HS3ST1: variants seen among roughly 807,000 people sequenced by gnomAD.
HS3ST1 encodes the protein heparan sulfate glucosamine 3-O-sulfotransferase 1.
Under a neutral mutation model 20.7 loss-of-function variants are expected in HS3ST1, and 8 were observed. The ratio of observed to expected loss-of-function variants is 0.39; its 90% CI spans 0.23 to 0.70. The LOEUF (loss-of-function observed/expected upper bound fraction) is 0.70, where lower values mean the gene tolerates loss of function less well. Ranked by LOEUF, HS3ST1 falls within the 30% of genes least tolerant of loss-of-function variation. The pLI is 0.46. For missense variants in HS3ST1, 436 were observed against 423.4 expected, an observed-to-expected ratio of 1.03 and a Z score of -0.26; for synonymous variants, 205 against 190.4, an observed-to-expected ratio of 1.08 and a Z score of -0.63.
chr4:11,426,454 G>GC (rs959606828), intron 1 of HS3ST1, among the ~76,000 whole-genome samples: 2 of 114,738 alleles, frequency 1.7e-5, no homozygotes, highest in African/African-American at 3.3e-5. Flanking sequence ...GGGGGACCCA[G>GC]GGGGGGGGCT....
chr4:11,424,264 T>C (rs1719009728), intron 1 of HS3ST1, among the ~76,000 whole-genome samples: 1 of 152,190 alleles, frequency 6.6e-6, no homozygotes, highest in Non-Finnish European at 1.5e-5. Flanking sequence ...AAAAGAAAGA[T>C]GCCCACTGGG....
chr4:11,407,621 C>A (rs1718504153), intron 1 of HS3ST1, among the ~76,000 whole-genome samples: 1 of 152,154 alleles, frequency 6.6e-6, no homozygotes, highest in South Asian at 2.1e-4. Flanking sequence ...CATTATTGTC[C>A]AGATCAGGTG....
In HS3ST1 at chr4:11,393,564, A is replaced by T. The variant is rs1014238512; in HGVS notation, c.*5518T>A. 6.6e-6 allele frequency: 1 copy of T among 152,238 alleles called. No homozygotes were observed. The highest frequency in any genetic ancestry group is 1.5e-5 in the Non-Finnish European group (1 of 68,028). 9.4% of individuals were successfully genotyped at this position (152,238 alleles called of 1,614,324 possible). A position where few individuals can be genotyped will look rare whatever the true frequency, so the allele number is the denominator to read the frequency against. ...GGATTCCTGTTTTCTTGGGAAACAC[A>T]TTTACTGAGAATAGGGTAGCAGAAG... On this transcript the variant is annotated 3_prime_UTR_variant, in exon 2 of 2. Transcript: ENST00000002596.
At chr4:11,402,521 G>C (rs1186789302) in intron 1 of HS3ST1, among the ~76,000 whole-genome samples, 4 of 152,212 alleles carry the variant, frequency 2.6e-5, no homozygotes, top group Non-Finnish European at 5.9e-5. Context: ...TGTTTGAGAT[G>C]TGAGAATGTA....
intron 1 of HS3ST1, among the ~76,000 whole-genome samples, chr4:11,409,203 A>G (rs969717918): frequency 4.6e-5 from 7 of 152,218 alleles, no homozygotes; most frequent in African/African-American, 7.2e-5. Flanking sequence ...TGGGTAAGGA[A>G]GATTGGAATA....
chr4:11,408,399 A>C (rs1184454251), intron 1 of HS3ST1, among the ~76,000 whole-genome samples: 4 of 152,222 alleles, frequency 2.6e-5, no homozygotes, highest in Non-Finnish European at 5.9e-5. Context: ...TTAGTCAAAC[A>C]CATTTGTTCA....
intron 1 of HS3ST1, among the ~76,000 whole-genome samples, chr4:11,415,888 A>G (rs10939293): frequency 0.17 from 25,170 of 152,244 alleles, 2,822 homozygotes; most frequent in East Asian, 0.39. Flanking sequence ...AAATGACCCA[A>G]TGACAATGCA....
intron 1 of HS3ST1, among the ~76,000 whole-genome samples, chr4:11,406,562 ACCT>A (rs1560232967): frequency 6.6e-6 from 1 of 152,158 alleles, no homozygotes; most frequent in Admixed American, 6.5e-5. Context: ...AGGTTAAATG[ACCT>A]CCTCAAGGTC....
intron 1 of HS3ST1, among the ~76,000 whole-genome samples, chr4:11,401,286 T>C (rs11737688): frequency 0.27 from 41,170 of 151,896 alleles, 6,800 homozygotes; most frequent in Middle Eastern, 0.45. Context: ...TCATACTATA[T>C]TCAGCTATTG....
chr4:11,411,869 C>T (rs1718647401), intron 1 of HS3ST1, among the ~76,000 whole-genome samples: 1 of 152,158 alleles, frequency 6.6e-6, no homozygotes, highest in Non-Finnish European at 1.5e-5. Flanking sequence ...GGGTTTGAAT[C>T]CTGGCTGCAC....
chr4:11,425,883 C>T (rs1337636400), intron 1 of HS3ST1, among the ~76,000 whole-genome samples: 3 of 152,098 alleles, frequency 2.0e-5, no homozygotes, highest in Admixed American at 2.0e-4. Flanking sequence ...TGCCTTCTGC[C>T]ATAAGAAAAG....
In HS3ST1 at chr4:11,396,806, T is replaced by C. The variant is rs1210992669; in HGVS notation, c.*2276A>G. Reference sequence around the variant, plus strand: ...CTCTGCACCCCCAAATGAAAACATATTGAATTTACATTCACTGATCATTTT... The same window carrying C: ...CTCTGCACCCCCAAATGAAAACATACTGAATTTACATTCACTGATCATTTT... On this transcript the variant is annotated 3_prime_UTR_variant, in exon 2 of 2. Transcript: ENST00000002596. The C allele has an allele frequency of 1.3e-5, 2 of 152,276 alleles. No homozygotes were observed. Among genetic ancestry groups the C allele is most frequent in the African/African-American group, 2.4e-5 (1 of 41,452 alleles). 9.4% of individuals were successfully genotyped at this position (152,276 alleles called of 1,614,324 possible). A position where few individuals can be genotyped will look rare whatever the true frequency, so the allele number is the denominator to read the frequency against.
chr4:11,411,006 A>C (rs1457052386), intron 1 of HS3ST1, among the ~76,000 whole-genome samples: 4 of 152,204 alleles, frequency 2.6e-5, no homozygotes, highest in African/African-American at 9.6e-5. Flanking sequence ...CACTATGTAC[A>C]GGCTCTGACT....
In HS3ST1 at chr4:11,395,253, G is replaced by A. The variant is rs1448566132; in HGVS notation, c.*3829C>T. ...CTGTGGCCCACAAGTTAAGTGACCT[G>A]CCCTGACATGCGACCTCTGGGAAGA... On this transcript the variant is annotated 3_prime_UTR_variant, in exon 2 of 2. Coordinates refer to ENST00000002596, the MANE Select transcript of HS3ST1 (RefSeq NM_005114.4). The A allele has an allele frequency of 6.6e-6, 1 of 151,972 alleles. No homozygotes were observed. Among genetic ancestry groups the A allele is most frequent in the African/African-American group, 2.4e-5 (1 of 41,362 alleles). The allele number at this position is 151,972 out of a possible 1,614,324, so 9.4% of individuals were successfully genotyped here.
chr4:11,409,686 A>G (rs143522816), intron 1 of HS3ST1, among the ~76,000 whole-genome samples: 193 of 152,384 alleles, frequency 1.3e-3, no homozygotes, highest in African/African-American at 4.5e-3. Flanking sequence ...ATTTGATGAT[A>G]GCAGCCCTAG....
At chr4:11,413,052 G>C (rs373208778) in intron 1 of HS3ST1, among the ~76,000 whole-genome samples, 1 of 152,174 alleles carries the variant, frequency 6.6e-6, no homozygotes, top group Non-Finnish European at 1.5e-5. Flanking sequence ...GCTCTCACCA[G>C]AACCCAAGCA....
chr4:11,407,953 A>T lies in HS3ST1; in HGVS notation c.-108-7840T>A, dbSNP rs370403336. On this transcript the variant is annotated intron_variant, in intron 1 of 1. Coordinates refer to ENST00000002596, the MANE Select transcript of HS3ST1 (RefSeq NM_005114.4). ...GATTCTGATACTCTTGGCCTGGGGCAGAGATGGGCAATGTCTTTTGTTTTT... is the reference window on the plus strand; with the variant it reads ...GATTCTGATACTCTTGGCCTGGGGCTGAGATGGGCAATGTCTTTTGTTTTT... 1.1e-4 allele frequency among the ~76,000 whole-genome samples: 16 copies of T among 152,340 alleles called. No individual in the cohort carries two copies. In the East Asian group the frequency reaches 1.5e-3, roughly 15 times the overall value.
At chr4:11,402,899 G>C (rs956082398) in intron 1 of HS3ST1, among the ~76,000 whole-genome samples, 10 of 152,156 alleles carry the variant, frequency 6.6e-5, no homozygotes, top group Non-Finnish European at 1.0e-4. Flanking sequence ...AATATAGTTT[G>C]TCCTTTATGA....
At chr4:11,431,659 A>G (rs1719208984), upstream of HS3ST1, among the ~76,000 whole-genome samples, 1 of 152,218 alleles carries the variant, frequency 6.6e-6, no homozygotes, top group African/African-American at 2.4e-5. Flanking sequence ...ACACAGTTGT[A>G]AACTGTTCTA....
Sources: gnomAD v4.1 joint callset for allele counts (sites outside exome capture counted in the v4.1 genomes callset) on GRCh38, gnomAD v4.1.1 for gene constraint, MANE v1.5 for transcripts, NCBI Gene and HGNC (gene_info 2026-07-23, HGNC 2026-07-21) for gene names.